Variants in GALNT2 observed in about 807,000 individuals in gnomAD.
The protein encoded by GALNT2 is UDP-GalNAc:polypeptide N-acetylgalactosaminyltransferase 2.
A neutral mutation model predicts 81.4 loss-of-function variants in GALNT2; 31 were observed. That is an observed-to-expected ratio of 0.38 (90% CI 0.29 to 0.51). GALNT2 has a LOEUF of 0.51. Ranked by LOEUF, GALNT2 falls within the 20% of genes least tolerant of loss-of-function variation. The pLI is 0.87. For synonymous variants in GALNT2, 303 were observed against 287.4 expected, an observed-to-expected ratio of 1.05 and a Z score of -0.55; for missense variants, 629 against 765.7, an observed-to-expected ratio of 0.82 and a Z score of 2.11.
chr1:230,178,170 G>A (rs1251125569), intron 1 of GALNT2, 48 bp from the exon 2 acceptor site: 1 of 1,423,862 alleles, frequency 7.0e-7, no homozygotes, highest in Middle Eastern at 1.8e-4. Flanking sequence ...ATGAATGAAG[G>A]TGTGCTTGAA....
chr1:230,239,316 TATTAAGGAATATTGACTCACACAATC>T (rs1358660829), intron 6 of GALNT2, among the ~76,000 whole-genome samples: 4 of 152,188 alleles, frequency 2.6e-5, no homozygotes, highest in African/African-American at 9.7e-5. Flanking sequence ...AACAGGAGTT[TATTAAGGAATATTGACTCACACAATC>T]ACAAGGTGAA....
intron 1 of GALNT2, among the ~76,000 whole-genome samples, chr1:230,075,341 A>C (rs1659509559): frequency 6.6e-6 from 1 of 151,940 alleles, no homozygotes; most frequent in Non-Finnish European, 1.5e-5. Flanking sequence ...GGCTGGTCTC[A>C]AACTCCTGAC....
intron 1 of GALNT2, among the ~76,000 whole-genome samples, chr1:230,090,333 A>G (rs1660033257): frequency 6.6e-6 from 1 of 152,194 alleles, no homozygotes; most frequent in Non-Finnish European, 1.5e-5. Context: ...TTCTGGGGGA[A>G]AATAAACATA....
chr1:230,253,291 C>G (rs1398541098), intron 10 of GALNT2, among the ~76,000 whole-genome samples: 1 of 152,132 alleles, frequency 6.6e-6, no homozygotes, highest in Non-Finnish European at 1.5e-5. Context: ...CATGGATCAC[C>G]CATTCCTAGT....
At chr1:230,205,044 C>T (rs767161035) in intron 3 of GALNT2, among the ~76,000 whole-genome samples, 88 of 152,174 alleles carry the variant, frequency 5.8e-4, no homozygotes, top group Non-Finnish European at 1.1e-3. Flanking sequence ...GTGCAGAAGC[C>T]CTGCCAGGAA....
chr1:230,105,790 A>G (rs1571967942), intron 1 of GALNT2, among the ~76,000 whole-genome samples: 1 of 152,242 alleles, frequency 6.6e-6, no homozygotes, highest in East Asian at 1.9e-4. Context: ...CATTATACAA[A>G]CTGGGGCACA....
At chr1:230,100,526 A>G (rs1407041459) in intron 1 of GALNT2, among the ~76,000 whole-genome samples, 1 of 152,108 alleles carries the variant, frequency 6.6e-6, no homozygotes, top group African/African-American at 2.4e-5. Flanking sequence ...GGGTTTCACC[A>G]TGCTAGTCAG....
intron 1 of GALNT2, among the ~76,000 whole-genome samples, chr1:230,095,462 C>T (rs903629371): frequency 8.5e-5 from 13 of 152,210 alleles, no homozygotes; most frequent in Non-Finnish European, 1.0e-4. Flanking sequence ...CCCCTGCGGG[C>T]TCCTCAGCCA....
intron 3 of GALNT2, among the ~76,000 whole-genome samples, chr1:230,226,164 C>T (rs1342439124): frequency 6.6e-5 from 10 of 152,212 alleles, no homozygotes; most frequent in Admixed American, 4.6e-4. Flanking sequence ...ATTCTGTGTC[C>T]ATTCTGTGTC....
At chr1:230,134,948 A>T (rs962184852) in intron 1 of GALNT2, among the ~76,000 whole-genome samples, 1 of 152,250 alleles carries the variant, frequency 6.6e-6, no homozygotes, top group South Asian at 2.1e-4. Flanking sequence ...ATCAGTGTGA[A>T]CTAAAAACCT....
At position 230,271,264 on chromosome 1, in the gene GALNT2, C is replaced by T. The variant is rs1414203628; in HGVS notation, c.1441-3181C>T. Among the ~76,000 whole-genome samples, 1 of 152,238 alleles carries T rather than the reference C, an allele frequency of 6.6e-6. No homozygotes were observed. Among genetic ancestry groups the T allele is most frequent in the Non-Finnish European group, 1.5e-5 (1 of 68,038 alleles). On this transcript the variant is annotated intron_variant, in intron 14 of 15. Coordinates refer to ENST00000366672, the MANE Select transcript of GALNT2 (RefSeq NM_004481.5). This position sits in a 1 kb window ranked among gnomAD's most constrained non-coding sequence, Gnocchi z 4.2. ...ACGCCATCTGCCTATGGGAAACACA[C>T]ACGGCTTCCTCTCTACACTCCACAC...
chr1:230,222,717 G>A (rs1664587824), intron 3 of GALNT2, among the ~76,000 whole-genome samples: 1 of 152,108 alleles, frequency 6.6e-6, no homozygotes, highest in Non-Finnish European at 1.5e-5. Context: ...TTGGGCATGA[G>A]ATGTAGCTAC....
intron 1 of GALNT2, among the ~76,000 whole-genome samples, chr1:230,080,130 AGT>A (rs1000109498): frequency 6.6e-6 from 1 of 152,086 alleles, no homozygotes; most frequent in African/African-American, 2.4e-5. Context: ...GGCAGTGGAG[AGT>A]GTGTGGAGTC....
intron 1 of GALNT2, among the ~76,000 whole-genome samples, chr1:230,140,729 C>T (rs1280783209): frequency 2.0e-5 from 3 of 152,200 alleles, no homozygotes; most frequent in Non-Finnish European, 4.4e-5. Flanking sequence ...TCTCCTCACC[C>T]CTCCCTTCCC....
intron 3 of GALNT2, among the ~76,000 whole-genome samples, chr1:230,209,374 T>A (rs983932660): frequency 1.4e-4 from 9 of 65,198 alleles, no homozygotes; most frequent in African/African-American, 9.4e-4. Context: ...CCACCTGTCC[T>A]ACAGGACAGG....
At chr1:230,116,411 G>A (rs1660848689) in intron 1 of GALNT2, among the ~76,000 whole-genome samples, 1 of 152,114 alleles carries the variant, frequency 6.6e-6, no homozygotes, top group African/African-American at 2.4e-5. Context: ...TGTATTTTTA[G>A]TAGAGACGGG....
chr1:230,241,334 A>G (rs1295513394), intron 6 of GALNT2, among the ~76,000 whole-genome samples: 1 of 152,116 alleles, frequency 6.6e-6, no homozygotes, highest in East Asian at 1.9e-4. Flanking sequence ...ATCTTTCTCT[A>G]AAGAGTATTC....
chr1:230,066,620 A>G (rs1378914609), upstream of GALNT2, among the ~76,000 whole-genome samples: 1 of 152,200 alleles, frequency 6.6e-6, no homozygotes, highest in Non-Finnish European at 1.5e-5. Flanking sequence ...GCAGCAGCAA[A>G]GTCGGGTTCA....
chr1:230,191,862 G>A lies in GALNT2; in HGVS notation c.221-11275G>A, dbSNP rs11807928. 2.1e-3 allele frequency among the ~76,000 whole-genome samples: 316 copies of A among 152,312 alleles called. 1 individual carries two copies. The highest frequency in any genetic ancestry group is 7.2e-3 in the African/African-American group (298 of 41,568). On this transcript the variant is annotated intron_variant, in intron 2 of 15. Coordinates refer to ENST00000366672, the MANE Select transcript of GALNT2 (RefSeq NM_004481.5). ...GAGGAAGCCCCCACCAACAGTTCTC[G>A]CTGTCCAGTGAAACAGCTGCCTTTT...
Sources: gnomAD v4.1 joint callset for allele counts (sites outside exome capture counted in the v4.1 genomes callset) on GRCh38, gnomAD v4.1.1 for gene constraint, Gnocchi (gnomAD v3.1) non-coding constraint, MANE v1.5 for transcripts, NCBI Gene and HGNC (gene_info 2026-07-23, HGNC 2026-07-21) for gene names.